The following STK11 variants were observed in gnomAD, a reference collection of about 807,000 sequenced individuals.
STK11 encodes serine/threonine-protein kinase STK11.
In STK11, 8 loss-of-function variants were observed where a neutral mutation model predicts 47.3. The observed-to-expected ratio is 0.17, with a 90% CI of 0.10 to 0.31. STK11 has a LOEUF of 0.31. STK11 is among the 10% of genes least tolerant of loss of function. The probability of loss-of-function intolerance (pLI) is 1.00; values close to 1 mark genes in which losing one functional copy is unlikely to be tolerated. For missense variants in STK11, 475 were observed against 605.0 expected (o/e 0.79, Z 2.25); for synonymous variants, 330 against 255.8 (o/e 1.29, Z -2.77).
intron 8 of STK11, chr19:1,223,783 C>A: frequency 9.6e-7 from 1 of 1,036,896 alleles, no homozygotes; most frequent in Non-Finnish European, 1.2e-6. Context: ...GTAGGGGCGG[C>A]CCACATTGGC....
chr19:1,224,626 G>T (rs1259394069), intron 8 of STK11: 1 of 985,524 alleles, frequency 1.0e-6, no homozygotes, highest in Non-Finnish European at 1.2e-6. Context: ...CCTGAGCCAG[G>T]ACCCGGCACT....
intron 1 of STK11, among the ~76,000 whole-genome samples, chr19:1,217,240 G>A (rs1347354966): frequency 6.6e-6 from 1 of 152,030 alleles, no homozygotes; most frequent in African/African-American, 2.4e-5. Flanking sequence ...ATGAGACAGG[G>A]TCTTATTCTG....
chr19:1,222,470 CCTGGAGGCCCTTGAGCCGTCTG>C (rs2080791684), intron 7 of STK11, among the ~76,000 whole-genome samples: 1 of 152,318 alleles, frequency 6.6e-6, no homozygotes, highest in African/African-American at 2.4e-5. Context: ...TGCACCAGCC[CCTGGAGGCCCTTGAGCCGTCTG>C]CTGGAGCCCC....
rs878853990 is a variant in STK11 at position 1,220,365 on chromosome 19, G to C, written c.465-8G>C. 6.3e-7 allele frequency: 1 copy of C among 1,596,296 alleles called. No individual in the cohort carries two copies. Among genetic ancestry groups the C allele is most frequent in the South Asian group, 1.1e-5 (1 of 88,340 alleles). On this transcript the variant is annotated splice_polypyrimidine_tract_variant and splice_region_variant and intron_variant, in intron 3 of 9. Transcript: ENST00000326873. The stretch of plus-strand genomic sequence containing the variant: ...CTCGGCCCCAGGACGGGTGTGTGCT[G>C]CCCGCAGGTACTTCTGTCAGCTGAT...
chr19:1,214,039 T>C (rs1434925456), intron 1 of STK11, among the ~76,000 whole-genome samples: 1 of 152,244 alleles, frequency 6.6e-6, no homozygotes, highest in African/African-American at 2.4e-5. Context: ...CCATGCTGCC[T>C]GGGCAAGCCC....
intron 1 of STK11, among the ~76,000 whole-genome samples, chr19:1,215,819 C>T (rs1452503111): frequency 1.3e-5 from 2 of 152,090 alleles, no homozygotes; most frequent in Non-Finnish European, 2.9e-5. Context: ...TCTCTGCAAC[C>T]TCCGCCTCCC....
At chr19:1,215,925 C>A (rs994004429) in intron 1 of STK11, among the ~76,000 whole-genome samples, 1 of 151,890 alleles carries the variant, frequency 6.6e-6, no homozygotes, top group Non-Finnish European at 1.5e-5. Context: ...TTAGTAGAGA[C>A]AAGGTTTCAC....
At chr19:1,211,740 G>A (rs1199346611) in intron 1 of STK11, among the ~76,000 whole-genome samples, 1 of 152,270 alleles carries the variant, frequency 6.6e-6, no homozygotes, top group Non-Finnish European at 1.5e-5. Context: ...CCGGGCTGTG[G>A]CTCTCCCATC....
At chr19:1,225,701 G>A in intron 8 of STK11, 1 of 985,596 alleles carries the variant, frequency 1.0e-6, no homozygotes, top group Non-Finnish European at 1.2e-6. Flanking sequence ...GAGCTCTGGG[G>A]CAGCCCGGGG....
chr19:1,227,070 G>C (rs2080829320), intron 9 of STK11: 1 of 197,714 alleles, frequency 5.1e-6, no homozygotes, highest in African/African-American at 2.4e-5. Flanking sequence ...GAGGGGCCGC[G>C]GCCTCCATGG....
At chr19:1,210,010 C>T (rs1362576996) in intron 1 of STK11, among the ~76,000 whole-genome samples, 1 of 152,186 alleles carries the variant, frequency 6.6e-6, no homozygotes, top group African/African-American at 2.4e-5. Context: ...GAGTGTGTAA[C>T]GGCTTTGCCC....
At chr19:1,222,324 C>T (rs1395854133) in intron 7 of STK11, among the ~76,000 whole-genome samples, 2 of 152,230 alleles carry the variant, frequency 1.3e-5, no homozygotes, top group Non-Finnish European at 2.9e-5. Context: ...TTCCCCTCCT[C>T]CTGGGGCTCC....
At chr19:1,216,703 T>C (rs1393241599) in intron 1 of STK11, among the ~76,000 whole-genome samples, 1 of 151,612 alleles carries the variant, frequency 6.6e-6, no homozygotes, top group Non-Finnish European at 1.5e-5. Flanking sequence ...AAACTGTCTC[T>C]ACTAAAATAC....
rs730881967 is a variant in STK11 at position 1,227,597 on chromosome 19, T to TG, written c.*22dup. On this transcript the variant is annotated 3_prime_UTR_variant, in exon 10 of 10. Transcript: ENST00000326873. ...CGTCTTCCTTCCACCCTGCAGCCCG[T>TG]GTCCAGGAGCCCCGCCAGGTGCCCG... 110 of 1,064,218 alleles carry TG rather than the reference T, an allele frequency of 1.0e-4. No homozygotes were observed. The highest frequency in any genetic ancestry group is 1.2e-4 in the Non-Finnish European group (103 of 878,746). The allele number at this position is 1,064,218 out of a possible 1,614,324, so 65.9% of individuals were successfully genotyped here.
intron 1 of STK11, among the ~76,000 whole-genome samples, chr19:1,214,092 C>T (rs985938005): frequency 6.6e-6 from 1 of 152,242 alleles, no homozygotes; most frequent in East Asian, 1.9e-4. Flanking sequence ...TGGCGATGCC[C>T]CAAGAGCCGG....
intron 6 of STK11, 167 bp from the exon 7 acceptor site, chr19:1,221,782 C>T: frequency 2.8e-6 from 2 of 726,662 alleles, no homozygotes; most frequent in South Asian, 3.5e-5. Flanking sequence ...CGGCATGTCC[C>T]AGGAGTGGAG....
At chr19:1,225,863 CA>C (rs1435172087) in intron 8 of STK11, 2 of 987,050 alleles carry the variant, frequency 2.0e-6, no homozygotes, top group African/African-American at 1.7e-5. Flanking sequence ...GAACAGTGTC[CA>C]CCTGGGCAGG....
At chr19:1,224,106 C>T in intron 8 of STK11, 1 of 993,096 alleles carries the variant, frequency 1.0e-6, no homozygotes, top group Non-Finnish European at 1.2e-6. Context: ...CTGGGCCCCT[C>T]ATCAAACCCC....
At chr19:1,211,321 A>G (rs2080708566) in intron 1 of STK11, among the ~76,000 whole-genome samples, 1 of 152,174 alleles carries the variant, frequency 6.6e-6, no homozygotes. Flanking sequence ...TCAGTGCCAT[A>G]GGCTGTTTCT....
Sources: allele counts gnomAD v4.1 joint callset (sites outside exome capture counted in the v4.1 genomes callset), GRCh38; gene constraint gnomAD v4.1.1; transcripts MANE v1.5; gene names NCBI Gene and HGNC (gene_info 2026-07-23, HGNC 2026-07-21).